Variants in NLGN1 observed in about 807,000 individuals in gnomAD.
NLGN1 encodes neuroligin-1.
Under a neutral mutation model 65.5 loss-of-function variants are expected in NLGN1, and 12 were observed. The observed-to-expected ratio is 0.18, with a 90% confidence interval of 0.12 to 0.30. The LOEUF (loss-of-function observed/expected upper bound fraction) is 0.30. Among genes scored for constraint, NLGN1 ranks in the 10% least tolerant of loss-of-function variants. The pLI, the probability that NLGN1 is intolerant of heterozygous loss-of-function variation, is 1.00. For synonymous variants in NLGN1, 350 were observed against 359.5 expected (o/e 0.97, Z 0.30); for missense variants, 750 against 1,007.1 (o/e 0.74, Z 3.46).
chr3:173,806,232 G>C (rs994683186), intron 3 of NLGN1, among the ~76,000 whole-genome samples: 2 of 152,106 alleles, frequency 1.3e-5, no homozygotes, highest in Non-Finnish European at 2.9e-5. Flanking sequence ...GACCTAAAAT[G>C]ATTCTTCATT....
chr3:173,613,427 T>G (rs79093518), intron 3 of NLGN1, among the ~76,000 whole-genome samples: 1 of 152,142 alleles, frequency 6.6e-6, no homozygotes, highest in Non-Finnish European at 1.5e-5. Context: ...TGTTTTTTGG[T>G]ATTTTTCTAT....
chr3:173,876,735 C>CAACATTATAAATAGCATA (rs1732178013), intron 4 of NLGN1, among the ~76,000 whole-genome samples: 1 of 151,912 alleles, frequency 6.6e-6, no homozygotes, highest in Non-Finnish European at 1.5e-5. Context: ...ACAACTTAAA[C>CAACATTATAAATAGCATA]AACATTATAA....
intron 3 of NLGN1, among the ~76,000 whole-genome samples, chr3:173,638,267 G>T (rs1756903152): frequency 6.6e-6 from 1 of 151,238 alleles, no homozygotes; most frequent in Admixed American, 6.6e-5. Context: ...CTGAGGAAGT[G>T]TAATTGTAGC....
At chr3:173,580,224 A>G (rs910912194) in intron 2 of NLGN1, among the ~76,000 whole-genome samples, 2 of 152,154 alleles carry the variant, frequency 1.3e-5, no homozygotes, top group Non-Finnish European at 2.9e-5. Flanking sequence ...CTGCTTCCTC[A>G]CATGATCCAT....
intron 3 of NLGN1, among the ~76,000 whole-genome samples, chr3:173,730,770 A>G (rs975470250): frequency 1.3e-5 from 2 of 152,172 alleles, no homozygotes; most frequent in Admixed American, 6.6e-5. Context: ...AAAACAAAAT[A>G]TAGTTATTTA....
At chr3:173,450,105 C>A (rs563063641) in intron 2 of NLGN1, among the ~76,000 whole-genome samples, 2 of 152,214 alleles carry the variant, frequency 1.3e-5, no homozygotes, top group South Asian at 2.1e-4. Context: ...TCCTGTCATT[C>A]TGATGTTAGC....
chr3:174,009,303 A>G (rs1725050537), intron 4 of NLGN1, among the ~76,000 whole-genome samples: 1 of 152,100 alleles, frequency 6.6e-6, no homozygotes, highest in Non-Finnish European at 1.5e-5. Context: ...GTTTTAACAT[A>G]TTAATTTGGT....
chr3:173,560,716 A>G (rs1057478522), intron 2 of NLGN1, among the ~76,000 whole-genome samples: 1 of 152,214 alleles, frequency 6.6e-6, no homozygotes, highest in African/African-American at 2.4e-5. Flanking sequence ...AAAAATTAGA[A>G]ATAAATAAAT....
At chr3:174,196,396 A>T (rs1733424961) in intron 4 of NLGN1, among the ~76,000 whole-genome samples, 1 of 152,048 alleles carries the variant, frequency 6.6e-6, no homozygotes, top group Non-Finnish European at 1.5e-5. Context: ...ACTTACTTAG[A>T]TTTTCTATTA....
intron 3 of NLGN1, among the ~76,000 whole-genome samples, chr3:173,717,118 A>T (rs542531784): frequency 2.4e-4 from 36 of 152,316 alleles, no homozygotes; most frequent in African/African-American, 7.2e-4. Context: ...TTAAGGAAAC[A>T]TCTAATAAAA....
At chr3:173,670,748 G>A (rs1762335353) in intron 3 of NLGN1, among the ~76,000 whole-genome samples, 1 of 152,098 alleles carries the variant, frequency 6.6e-6, no homozygotes, top group Admixed American at 6.5e-5. Flanking sequence ...AAAGGTGCAG[G>A]AGCCTATCAA....
intron 4 of NLGN1, among the ~76,000 whole-genome samples, chr3:173,970,769 G>C (rs538454132): frequency 6.6e-6 from 1 of 152,202 alleles, no homozygotes; most frequent in East Asian, 1.9e-4. Context: ...CAAAATACTT[G>C]CCTGGTACAT....
intron 4 of NLGN1, among the ~76,000 whole-genome samples, chr3:173,819,784 A>G (rs1252234171): frequency 6.6e-6 from 1 of 152,256 alleles, no homozygotes; most frequent in Non-Finnish European, 1.5e-5. Flanking sequence ...TTTTATTAAG[A>G]CAACAGACTG....
upstream of NLGN1, chr3:173,396,561 C>G (rs1215433696): frequency 6.6e-6 from 1 of 152,174 alleles, no homozygotes; most frequent in Non-Finnish European, 1.5e-5. Flanking sequence ...TATTAACATT[C>G]TTTTGAGCCT....
chr3:174,240,003 C>T, intron 4 of NLGN1, among the ~76,000 whole-genome samples: 1 of 152,154 alleles, frequency 6.6e-6, no homozygotes, highest in East Asian at 1.9e-4. Flanking sequence ...AATTGACACT[C>T]TTTATAGAAT....
rs147027393 is a variant in NLGN1 at position 174,225,052 on chromosome 3, A to G, written c.647-50263A>G. 3.0e-3 allele frequency among the ~76,000 whole-genome samples: 456 copies of G among 152,256 alleles called. 2 individuals are homozygous for G. The highest frequency in any genetic ancestry group is 9.5e-3 in the African/African-American group (394 of 41,524). Reference sequence around the variant, plus strand: ...CCTACTCTTCCCTCCCACCACTAGAATGGAAAAATACAAGTATCTTAAATA... The same window carrying G: ...CCTACTCTTCCCTCCCACCACTAGAGTGGAAAAATACAAGTATCTTAAATA... On this transcript the variant is annotated intron_variant, in intron 4 of 6. Transcript: ENST00000457714.
intron 4 of NLGN1, among the ~76,000 whole-genome samples, chr3:174,138,489 T>C (rs539315546): frequency 2.5e-4 from 38 of 150,604 alleles, no homozygotes; most frequent in South Asian, 6.3e-4. Context: ...GGCTGGAGTG[T>C]AGTGGCGCCA....
intron 4 of NLGN1, among the ~76,000 whole-genome samples, chr3:174,194,605 A>C (rs910216724): frequency 2.0e-5 from 3 of 151,964 alleles, no homozygotes; most frequent in African/African-American, 7.2e-5. Flanking sequence ...TTTGTAGAGA[A>C]AGTATTGTTT....
chr3:173,480,214 C>G (rs973794062), intron 2 of NLGN1, among the ~76,000 whole-genome samples: 34 of 151,394 alleles, frequency 2.2e-4, no homozygotes, highest in Admixed American at 7.3e-4. Context: ...ATTCTCGGTG[C>G]TAGCCACAAA....
Sources: allele counts gnomAD v4.1 joint callset (sites outside exome capture counted in the v4.1 genomes callset), GRCh38; gene constraint gnomAD v4.1.1; transcripts MANE v1.5; gene names NCBI Gene and HGNC (gene_info 2026-07-23, HGNC 2026-07-21).